AKR1B1: variants seen among roughly 807,000 people sequenced by gnomAD.
The protein encoded by AKR1B1 is aldo-keto reductase family 1 member B1.
A neutral mutation model predicts 40.4 loss-of-function variants in AKR1B1; 22 were observed. The ratio of observed to expected loss-of-function variants is 0.54; its 90% CI spans 0.39 to 0.78. AKR1B1 has a LOEUF of 0.78. Among genes scored for constraint, AKR1B1 ranks in the 30% least tolerant of loss-of-function variants. The pLI, the probability that AKR1B1 is intolerant of heterozygous loss-of-function variation, is 0.00. For missense variants in AKR1B1, 357 were observed against 396.7 expected (o/e 0.90, Z 0.85); for synonymous variants, 157 against 149.9 (o/e 1.05, Z -0.35).
At chr7:134,453,287 C>T (rs1186836774) in intron 1 of AKR1B1, among the ~76,000 whole-genome samples, 1 of 152,208 alleles carries the variant, frequency 6.6e-6, no homozygotes, top group Non-Finnish European at 1.5e-5. Context: ...TGCCATGCAA[C>T]TGGTGCGGGG....
At chr7:134,447,261 A>G (rs1237235714) in intron 8 of AKR1B1, 37 bp downstream of exon 8, 8 of 1,561,544 alleles carry the variant, frequency 5.1e-6, no homozygotes, top group Non-Finnish European at 7.1e-6. Flanking sequence ...CCCCCACTCC[A>G]TGGAGGAGGG....
rs1806496940 is a variant in AKR1B1 at position 134,457,161 on chromosome 7, C to G, written c.66+1836G>C. 2.6e-5 allele frequency among the ~76,000 whole-genome samples: 4 copies of G among 151,848 alleles called. No individual in the cohort carries two copies. The South Asian group carries it at 8.3e-4, about 32-fold the overall frequency. ...AAAAAAAAAAAAATAAACTTTTACTCCTTATTTACCCTAGAGTAGTGATTT... is the reference window on the plus strand; with the variant it reads ...AAAAAAAAAAAAATAAACTTTTACTGCTTATTTACCCTAGAGTAGTGATTT... On this transcript the variant is annotated intron_variant, in intron 1 of 9. Transcript: ENST00000285930.
At chr7:134,445,790 C>A (rs1279499736) in intron 8 of AKR1B1, among the ~76,000 whole-genome samples, 1 of 152,154 alleles carries the variant, frequency 6.6e-6, no homozygotes, top group Non-Finnish European at 1.5e-5. Flanking sequence ...CAACCACAGC[C>A]GAAGAGGAGA....
At chr7:134,444,517 A>C (rs980803679) in intron 9 of AKR1B1, among the ~76,000 whole-genome samples, 9 of 152,276 alleles carry the variant, frequency 5.9e-5, no homozygotes, top group Admixed American at 6.5e-5. Context: ...ACTAAAGGAG[A>C]GAGTGTGGAA....
intron 9 of AKR1B1, among the ~76,000 whole-genome samples, chr7:134,443,630 GCTCA>G (rs1181872422): frequency 6.6e-6 from 1 of 151,502 alleles, no homozygotes; most frequent in Non-Finnish European, 1.5e-5. Flanking sequence ...GTTTGTCAAG[GCTCA>G]CTCACTGTCC....
At chr7:134,451,955 G>A (rs982578842) in intron 1 of AKR1B1, 2 of 641,874 alleles carry the variant, frequency 3.1e-6, no homozygotes, top group South Asian at 1.8e-5. Flanking sequence ...GCATTGCCCT[G>A]TAGGAGAATC....
chr7:134,445,704 T>C (rs927110142), intron 8 of AKR1B1, among the ~76,000 whole-genome samples: 3 of 152,184 alleles, frequency 2.0e-5, no homozygotes, highest in African/African-American at 7.2e-5. Flanking sequence ...AAATAACTAA[T>C]CACACACTGT....
At chr7:134,445,045 C>T (rs1253565278) in intron 9 of AKR1B1, 193 bp downstream of exon 9, 10 of 664,218 alleles carry the variant, frequency 1.5e-5, no homozygotes, top group African/African-American at 3.6e-5. Flanking sequence ...ATATCAAGAG[C>T]GGATCTCTTG....
At chr7:134,451,818 T>C (rs1258537033) in intron 1 of AKR1B1, 65 bp from the exon 2 acceptor site, 2 of 1,564,142 alleles carry the variant, frequency 1.3e-6, no homozygotes, top group African/African-American at 1.4e-5. Context: ...GGAGGGGCAG[T>C]GGCAGCCACC....
intron 9 of AKR1B1, among the ~76,000 whole-genome samples, chr7:134,443,994 A>G (rs1175406299): frequency 6.6e-6 from 1 of 152,162 alleles, no homozygotes; most frequent in Non-Finnish European, 1.5e-5. Context: ...AGGGCAGAGG[A>G]GCCTAACTGT....
At chr7:134,451,015 T>G in intron 2 of AKR1B1, 113 bp from the exon 3 acceptor site, 1 of 837,992 alleles carries the variant, frequency 1.2e-6, no homozygotes, top group East Asian at 2.6e-5. Context: ...CATGATGCTG[T>G]GAATGGTTGT....
intron 3 of AKR1B1, among the ~76,000 whole-genome samples, chr7:134,450,356 T>A (rs552173044): frequency 6.6e-6 from 1 of 152,246 alleles, no homozygotes; most frequent in South Asian, 2.1e-4. Flanking sequence ...TTACCGGGCC[T>A]CCACAGGACA....
At chr7:134,451,370 C>T in intron 2 of AKR1B1, 1 of 649,558 alleles carries the variant, frequency 1.5e-6, no homozygotes, top group Admixed American at 2.2e-5. Context: ...CAGCACGGGA[C>T]TCTAAGCAAT....
chr7:134,453,616 G>A (rs1806359674), intron 1 of AKR1B1, among the ~76,000 whole-genome samples: 1 of 152,024 alleles, frequency 6.6e-6, no homozygotes, highest in Admixed American at 6.5e-5. Context: ...AATCAAGCTT[G>A]CGTTGGCACG....
chr7:134,456,428 T>C lies in AKR1B1; in HGVS notation c.66+2569A>G, dbSNP rs60733629. Reference sequence around the variant, plus strand: ...GTTAGCCAGGACGGTCTCTATCTTCTGACCTCATGATCTGCCCGCCTCTGC... The same window carrying C: ...GTTAGCCAGGACGGTCTCTATCTTCCGACCTCATGATCTGCCCGCCTCTGC... On this transcript the variant is annotated intron_variant, in intron 1 of 9. Coordinates refer to ENST00000285930, the MANE Select transcript of AKR1B1 (RefSeq NM_001628.4). Among the ~76,000 whole-genome samples the C allele has an allele frequency of 6.1e-3, 925 of 152,132 alleles. 12 individuals are homozygous for C. The highest frequency in any genetic ancestry group is 0.021 in the African/African-American group (875 of 41,496).
At position 134,452,265 on chromosome 7, in the gene AKR1B1, G is replaced by A. The variant is rs188426502; in HGVS notation, c.67-512C>T. Reference sequence around the variant, plus strand: ...TACCGGCAGTCGCTTGTTTTCAAGCGGTTCTGGGAGATTATCATGAAGTTA... The same window carrying A: ...TACCGGCAGTCGCTTGTTTTCAAGCAGTTCTGGGAGATTATCATGAAGTTA... On this transcript the variant is annotated intron_variant, in intron 1 of 9. Coordinates refer to ENST00000285930, the MANE Select transcript of AKR1B1 (RefSeq NM_001628.4). Among the ~76,000 whole-genome samples the A allele has an allele frequency of 2.2e-4, 34 of 152,246 alleles. 1 individual carries two copies. The highest frequency in any genetic ancestry group is 6.5e-4 in the African/African-American group (27 of 41,546).
At chr7:134,447,156 T>C (rs1194497398) in intron 8 of AKR1B1, 142 bp downstream of exon 8, 1 of 799,120 alleles carries the variant, frequency 1.3e-6, no homozygotes, top group Non-Finnish European at 2.1e-6. Context: ...AGTCTCAGTC[T>C]TGGCTTGCTC....
chr7:134,442,453 C>G lies in AKR1B1; in HGVS notation c.*275G>C, dbSNP rs183787048. On this transcript the variant is annotated 3_prime_UTR_variant, in exon 10 of 10. Coordinates refer to ENST00000285930, the MANE Select transcript of AKR1B1 (RefSeq NM_001628.4). ...TCAACCGTTAGTGGCACTATTTTGACCTGGTAGATTTTGCTTCTCTTTGGT... is the reference window on the plus strand; with the variant it reads ...TCAACCGTTAGTGGCACTATTTTGAGCTGGTAGATTTTGCTTCTCTTTGGT... 189 of 380,382 alleles carry G rather than the reference C, an allele frequency of 5.0e-4. No homozygotes were observed. Among genetic ancestry groups the G allele is most frequent in the African/African-American group, 3.3e-3 (162 of 49,350 alleles). 23.6% of individuals were successfully genotyped at this position (380,382 alleles called of 1,614,324 possible).
intron 4 of AKR1B1, 167 bp downstream of exon 4, chr7:134,449,553 C>G (rs562405189): frequency 2.2e-5 from 15 of 671,890 alleles, no homozygotes; most frequent in African/African-American, 3.6e-5. Context: ...TGCCACTGCA[C>G]TCCAGCCTGG....
Sources: gnomAD v4.1 joint callset for allele counts (sites outside exome capture counted in the v4.1 genomes callset) on GRCh38, gnomAD v4.1.1 for gene constraint, MANE v1.5 for transcripts, NCBI Gene and HGNC (gene_info 2026-07-23, HGNC 2026-07-21) for gene names.